Variants in C19orf38 observed in about 807,000 individuals in gnomAD.
The protein encoded by C19orf38 is protein HIDE1.
Under a neutral mutation model 26.6 loss-of-function variants are expected in C19orf38, and 14 were observed. The ratio of observed to expected loss-of-function variants is 0.53; its 90% CI spans 0.35 to 0.82. The LOEUF (loss-of-function observed/expected upper bound fraction) is 0.82, where lower values mean the gene tolerates loss of function less well. Ranked by LOEUF, C19orf38 falls within the 40% of genes least tolerant of loss-of-function variation. The pLI is 0.01. For synonymous variants in C19orf38, 132 were observed against 128.5 expected (o/e 1.03, Z -0.18); for missense variants, 261 against 299.5 (o/e 0.87, Z 0.95).
chr19:10,855,615 G>A (rs751736776), intron 2 of C19orf38, among the ~76,000 whole-genome samples: 8 of 151,936 alleles, frequency 5.3e-5, no homozygotes, highest in African/African-American at 9.7e-5. Context: ...TGCAACCTCC[G>A]CCTCCCGGGT....
chr19:10,842,526 C>T (rs1176079340), intron 1 of C19orf38, among the ~76,000 whole-genome samples: 1 of 151,948 alleles, frequency 6.6e-6, no homozygotes, highest in African/African-American at 2.4e-5. Context: ...TCCCAAAGTG[C>T]TGGGATTACA....
upstream of C19orf38, among the ~76,000 whole-genome samples, chr19:10,845,975 T>G (rs2073512926): frequency 6.6e-6 from 1 of 151,026 alleles, no homozygotes; most frequent in African/African-American, 2.4e-5. Flanking sequence ...GCCCAGGAGT[T>G]CAAGATCAGG....
Position 10,856,285 on chromosome 19 carries a change from C to G in C19orf38, c.361C>G (p.Leu121Val), listed in dbSNP as rs112753191. Residue 121 changes from leucine to valine, a missense_variant, in exon 3 of 7, where the codon CTC becomes GTC. Coordinates refer to ENST00000397820, the MANE Select transcript of C19orf38 (RefSeq NM_001136482.3). ...SFPVPTWILV[L>V]SLSLAGALFL... ...TCCAGTGCCCACTTGGATCTTGGTG[C>G]TCTCCCTGAGCCTGGCTGGTGCCCT... 46 of 1,551,194 alleles carry G rather than the reference C, an allele frequency of 3.0e-5. No homozygotes were observed. The African/African-American group carries it at 3.1e-4, about 11-fold the overall frequency.
intron 2 of C19orf38, among the ~76,000 whole-genome samples, chr19:10,852,300 C>G (rs1040644773): frequency 1.3e-5 from 2 of 152,144 alleles, no homozygotes. Flanking sequence ...TTACTATGGA[C>G]CAAGAACTGT....
upstream of C19orf38, among the ~76,000 whole-genome samples, chr19:10,844,881 G>A (rs962846147): frequency 2.7e-5 from 4 of 150,040 alleles, no homozygotes; most frequent in African/African-American, 7.4e-5. Flanking sequence ...GAGGCTGGGC[G>A]TGGTGGTGGC....
intron 4 of C19orf38, among the ~76,000 whole-genome samples, chr19:10,859,304 GTGTA>G (rs1437449518): frequency 9.2e-5 from 13 of 142,020 alleles, no homozygotes; most frequent in Non-Finnish European, 1.9e-4. Flanking sequence ...ATGTGTGTGT[GTGTA>G]TGTATGTGTG....
chr19:10,846,626 G>A (rs190026519), upstream of C19orf38, among the ~76,000 whole-genome samples: 24 of 152,240 alleles, frequency 1.6e-4, no homozygotes, highest in African/African-American at 5.3e-4. Flanking sequence ...TAGGAAGACC[G>A]ATAAGAGACA....
chr19:10,847,046 T>G (rs2073523998), upstream of C19orf38, among the ~76,000 whole-genome samples: 1 of 152,190 alleles, frequency 6.6e-6, no homozygotes, highest in Non-Finnish European at 1.5e-5. Flanking sequence ...ATTTTGGTGT[T>G]TGATGACCAC....
intron 5 of C19orf38, 34 bp from the exon 6 acceptor site, chr19:10,863,136 C>G (rs1322467349): frequency 6.5e-7 from 1 of 1,548,464 alleles, no homozygotes; most frequent in Non-Finnish European, 8.7e-7. Context: ...CAACTGGCCC[C>G]CAATCCTGGG....
chr19:10,847,574 C>G (rs966588972), upstream of C19orf38, among the ~76,000 whole-genome samples: 5 of 151,216 alleles, frequency 3.3e-5, no homozygotes, highest in African/African-American at 1.2e-4. Flanking sequence ...GGTTTCACCA[C>G]GTTGGCCTGG....
chr19:10,860,840 C>CAA (rs60601259), intron 5 of C19orf38, among the ~76,000 whole-genome samples: 8 of 42,638 alleles, frequency 1.9e-4, no homozygotes, highest in Admixed American at 5.0e-4. Flanking sequence ...GACTCCATCT[C>CAA]AAAAAAAAAA....
At chr19:10,837,081 C>T (rs564495868) in intron 1 of C19orf38, among the ~76,000 whole-genome samples, 2 of 152,312 alleles carry the variant, frequency 1.3e-5, no homozygotes, top group Admixed American at 6.5e-5. Context: ...CCTCAGTTTC[C>T]TCTTCTGCAA....
chr19:10,845,516 A>T (rs2073509821), upstream of C19orf38, among the ~76,000 whole-genome samples: 1 of 152,206 alleles, frequency 6.6e-6, no homozygotes, highest in African/African-American at 2.4e-5. Context: ...CGCTCAATAT[A>T]TGAAAATGTG....
intron 1 of C19orf38, among the ~76,000 whole-genome samples, chr19:10,842,796 TC>T (rs2073488374): frequency 6.6e-6 from 1 of 152,024 alleles, no homozygotes; most frequent in South Asian, 2.1e-4. Context: ...TCAGGATTTT[TC>T]TTAGCCACTT....
rs775935533 is a variant in C19orf38, at chr19:10,856,293, G to C, written c.369G>C (p.Leu123=). ...CCACTTGGATCTTGGTGCTCTCCCT[G>C]AGCCTGGCTGGTGCCCTCTTCCTCC... ...PVPTWILVLS[L]SLAGALFLLA... Residue 123 remains leucine, a synonymous_variant, in exon 3 of 7, where the codon CTG becomes CTC. Coordinates refer to ENST00000397820, the MANE Select transcript of C19orf38 (RefSeq NM_001136482.3). 1.2e-5 allele frequency: 18 copies of C among 1,551,198 alleles called. No homozygotes were observed. Among genetic ancestry groups the C allele is most frequent in the Non-Finnish European group, 1.7e-6 (2 of 1,146,688 alleles).
chr19:10,862,813 A>C (rs2078975281), intron 5 of C19orf38, among the ~76,000 whole-genome samples: 1 of 151,984 alleles, frequency 6.6e-6, no homozygotes, highest in South Asian at 2.1e-4. Context: ...TGGGCAACAG[A>C]GTGAGACTCC....
At chr19:10,842,153 A>C (rs1455842237) in intron 1 of C19orf38, 4 of 1,575,254 alleles carry the variant, frequency 2.5e-6, no homozygotes, top group Non-Finnish European at 3.5e-6. Context: ...AGATGACACC[A>C]AGCCCATCTG....
intron 2 of C19orf38, among the ~76,000 whole-genome samples, chr19:10,853,122 G>C (rs2073589579): frequency 6.6e-6 from 1 of 151,696 alleles, no homozygotes; most frequent in African/African-American, 2.4e-5. Flanking sequence ...GAGTGCAGTG[G>C]CGCAATCACA....
chr19:10,855,945 T>C (rs916660685), intron 2 of C19orf38, among the ~76,000 whole-genome samples: 3 of 152,134 alleles, frequency 2.0e-5, no homozygotes, highest in Non-Finnish European at 1.5e-5. Flanking sequence ...ATTACAGGCA[T>C]GAATCACCGC....
Sources: allele counts gnomAD v4.1 joint callset (sites outside exome capture counted in the v4.1 genomes callset), GRCh38; gene constraint gnomAD v4.1.1; transcripts MANE v1.5; gene names NCBI Gene and HGNC (gene_info 2026-07-23, HGNC 2026-07-21).